Variants in DACH2 observed in about 807,000 individuals in gnomAD.
DACH2 encodes dachshund homolog 2.
In DACH2, 17 loss-of-function variants were observed where a neutral mutation model predicts 35.8. The observed-to-expected ratio is 0.48, with a 90% CI of 0.33 to 0.71. DACH2 has a LOEUF of 0.71. Among genes scored for constraint, DACH2 ranks in the 30% least tolerant of loss-of-function variants. DACH2 has a pLI of 0.02. For synonymous variants in DACH2, 195 were observed against 177.3 expected, an observed-to-expected ratio of 1.10 and a Z score of -0.79; for missense variants, 469 against 472.7, an observed-to-expected ratio of 0.99 and a Z score of 0.07.
intron 7 of DACH2, among the ~76,000 whole-genome samples, chrX:86,749,178 G>T (rs1183051085): frequency 2.7e-5 from 3 of 111,729 alleles, no homozygotes; most frequent in African/African-American, 6.5e-5. Context: ...CAAGAATAAG[G>T]CTAGCTCACT....
chrX:86,365,672 C>T (rs774579644), intron 1 of DACH2, among the ~76,000 whole-genome samples: 2 of 111,253 alleles, frequency 1.8e-5, no homozygotes, highest in African/African-American at 6.5e-5. Flanking sequence ...GAGCTTTTAT[C>T]TGGATAGTTA....
chrX:86,624,091 G>T (rs1195306304), intron 3 of DACH2, among the ~76,000 whole-genome samples: 1 of 104,256 alleles, frequency 9.6e-6, no homozygotes, highest in African/African-American at 3.6e-5. Context: ...AAGTGGCTGT[G>T]CAGTTCATAT....
chrX:86,599,906 C>T (rs2039767964), intron 3 of DACH2, among the ~76,000 whole-genome samples: 1 of 111,464 alleles, frequency 9.0e-6, no homozygotes, highest in African/African-American at 3.3e-5. Flanking sequence ...CCTGCTTCAC[C>T]TGTAATAGAG....
intron 11 of DACH2, among the ~76,000 whole-genome samples, chrX:86,823,835 G>A (rs2042537142): frequency 9.0e-6 from 1 of 110,948 alleles, no homozygotes; most frequent in Non-Finnish European, 1.9e-5. Flanking sequence ...GGGGGTGCAA[G>A]AACAGGGAGT....
intron 3 of DACH2, among the ~76,000 whole-genome samples, chrX:86,624,063 A>AAC (rs1279072676): frequency 4.4e-5 from 4 of 91,822 alleles, no homozygotes; most frequent in Non-Finnish European, 4.5e-5. Flanking sequence ...AACAAAACAA[A>AAC]AAAAAAAAAA....
intron 1 of DACH2, among the ~76,000 whole-genome samples, chrX:86,290,786 C>T (rs1318759894): frequency 1.0e-5 from 1 of 96,414 alleles, no homozygotes; most frequent in African/African-American, 4.0e-5. Flanking sequence ...ATCTATATCT[C>T]TGTTTTGGTA....
chrX:86,754,581 C>T (rs1363130234), intron 7 of DACH2, among the ~76,000 whole-genome samples: 1 of 110,618 alleles, frequency 9.0e-6, no homozygotes, highest in Non-Finnish European at 1.9e-5. Context: ...CCGCTCCCAC[C>T]CTAACACCCT....
chrX:86,682,375 C>A (rs73247218), intron 4 of DACH2, among the ~76,000 whole-genome samples: 1 of 110,694 alleles, frequency 9.0e-6, no homozygotes, highest in Non-Finnish European at 1.9e-5. Flanking sequence ...GTGGTACAAG[C>A]GTGGGAAAAT....
At chrX:86,169,151 A>T (rs5923491) in intron 1 of DACH2, among the ~76,000 whole-genome samples, 39,631 of 110,240 alleles carry the variant, frequency 0.36, 5,854 homozygotes, top group African/African-American at 0.52. Context: ...TTGTGTTTGA[A>T]GGATATTTTT....
At chrX:86,274,555 C>T (rs370279965) in intron 1 of DACH2, among the ~76,000 whole-genome samples, 876 of 85,985 alleles carry the variant, frequency 0.01, 12 homozygotes, top group African/African-American at 0.036. Context: ...AGAGCAGTGG[C>T]GTGATCTCGG....
chrX:86,658,959 G>A (rs1315649387), intron 4 of DACH2, among the ~76,000 whole-genome samples: 1 of 111,321 alleles, frequency 9.0e-6, no homozygotes, highest in African/African-American at 3.3e-5. Flanking sequence ...CTTCCATGGA[G>A]CAGATGTTGA....
intron 2 of DACH2, among the ~76,000 whole-genome samples, chrX:86,431,391 A>C (rs1793053565): frequency 1.8e-5 from 2 of 111,999 alleles, no homozygotes. Context: ...CTTACTTAGA[A>C]GGCTGTGTCC....
chrX:86,482,908 C>A (rs1230599302), intron 2 of DACH2, among the ~76,000 whole-genome samples: 2 of 98,395 alleles, frequency 2.0e-5, no homozygotes, highest in Non-Finnish European at 4.0e-5. Flanking sequence ...CCAAACACTG[C>A]ATATTCTCAC....
chrX:86,508,283 G>C (rs912337826), intron 2 of DACH2, among the ~76,000 whole-genome samples: 1 of 111,378 alleles, frequency 9.0e-6, no homozygotes, highest in Non-Finnish European at 1.9e-5. Flanking sequence ...GTGCGGCTGG[G>C]CGAAGTGACT....
At chrX:86,288,210 G>A (rs1357340183) in intron 1 of DACH2, among the ~76,000 whole-genome samples, 1 of 111,862 alleles carries the variant, frequency 8.9e-6, no homozygotes, top group Non-Finnish European at 1.9e-5. Flanking sequence ...AGAGATTTTT[G>A]TTCTTCTCCC....
chrX:86,304,988 A>C (rs1358320991), intron 1 of DACH2: 1 of 137,854 alleles, frequency 7.3e-6, no homozygotes, highest in Non-Finnish European at 1.6e-5. Context: ...GGAGAGTGCC[A>C]CCAAGATCGA....
In DACH2 at chrX:86,656,029, T is replaced by TCC. The variant is rs66532210; in HGVS notation, c.772+4871_772+4872dup. ...GTGCGAAGAGACCAAGAAATAAAGC[T>TCC]CCCCCCCCCCACTAATCTGTACATA... On this transcript the variant is annotated intron_variant, in intron 4 of 11. Coordinates refer to ENST00000373125, the MANE Select transcript of DACH2 (RefSeq NM_053281.3). 3.1e-3 allele frequency among the ~76,000 whole-genome samples: 254 copies of TCC among 81,623 alleles called. 3 individuals carry two copies. Among genetic ancestry groups the TCC allele is most frequent in the Middle Eastern group, 6.9e-3 (1 of 145 alleles). The allele number at this position is 81,623 out of a possible 115,157, so 70.9% of individuals were successfully genotyped here.
At chrX:86,806,196 G>A (rs781346451) in intron 7 of DACH2, among the ~76,000 whole-genome samples, 4 of 111,296 alleles carry the variant, frequency 3.6e-5, no homozygotes, top group East Asian at 5.7e-4. Context: ...TACAGGAATC[G>A]TGATGCTGGC....
At chrX:86,238,486 T>C (rs1339113213) in intron 1 of DACH2, among the ~76,000 whole-genome samples, 1 of 112,138 alleles carries the variant, frequency 8.9e-6, no homozygotes, top group Non-Finnish European at 1.9e-5. Flanking sequence ...TTCATAGTTA[T>C]AAAACCTACT....
Sources: gnomAD v4.1 joint callset for allele counts (sites outside exome capture counted in the v4.1 genomes callset) on GRCh38, gnomAD v4.1.1 for gene constraint, MANE v1.5 for transcripts, NCBI Gene and HGNC (gene_info 2026-07-23, HGNC 2026-07-21) for gene names.